Variants in ACTR3C observed in about 807,000 individuals in gnomAD.
ACTR3C encodes the protein actin-related protein 3C.
A neutral mutation model predicts 26.3 loss-of-function variants in ACTR3C; 18 were observed. That is an observed-to-expected ratio of 0.68 (90% confidence interval 0.47 to 1.01). ACTR3C has a LOEUF of 1.01. Ranked by LOEUF, ACTR3C falls within the 50% of genes least tolerant of loss-of-function variation. The probability of loss-of-function intolerance (pLI) is 0.00; values close to 1 mark genes in which losing one functional copy is unlikely to be tolerated. For missense variants in ACTR3C, 184 were observed against 250.7 expected (o/e 0.73, Z 1.80); for synonymous variants, 55 against 94.5 (o/e 0.58, Z 2.42).
the ACTR3C span, among the ~76,000 whole-genome samples, chr7:149,952,396 GC>G: frequency 6.8e-6 from 1 of 147,498 alleles, no homozygotes; most frequent in Non-Finnish European, 1.5e-5. Context: ...GCTTGAATAT[GC>G]AGATGAATAA....
the ACTR3C span, among the ~76,000 whole-genome samples, chr7:150,134,053 A>AT: frequency 6.6e-6 from 1 of 152,144 alleles, no homozygotes; most frequent in Non-Finnish European, 1.5e-5. Context: ...GAGATTTCTT[A>AT]TTTTAAGGTA....
At chr7:150,319,014 C>T (rs1250765652) in intron 1 of ACTR3C, among the ~76,000 whole-genome samples, 1 of 152,124 alleles carries the variant, frequency 6.6e-6, no homozygotes, top group African/African-American at 2.4e-5. Context: ...CAAAACACTG[C>T]TGAAGTAGGA....
At chr7:150,286,066 A>G (rs1356459519) in intron 5 of ACTR3C, among the ~76,000 whole-genome samples, 4 of 152,202 alleles carry the variant, frequency 2.6e-5, no homozygotes, top group South Asian at 2.1e-4. Context: ...TTGTAATGCT[A>G]GCATGTGACC....
chr7:150,251,973 T>C (rs566505675), intron 6 of ACTR3C, among the ~76,000 whole-genome samples: 310 of 152,312 alleles, frequency 2.0e-3, no homozygotes, highest in African/African-American at 7.1e-3. Flanking sequence ...ATAGAAACCA[T>C]AGTCCAGCGT....
chr7:150,230,559 A>G, the ACTR3C span, among the ~76,000 whole-genome samples: 948 of 152,210 alleles, frequency 6.2e-3, 12 homozygotes, highest in African/African-American at 0.022. Flanking sequence ...CGCAAGCCCT[A>G]TTGTGAACTG....
chr7:150,042,140 T>C, the ACTR3C span, among the ~76,000 whole-genome samples: 42 of 10,446 alleles, frequency 4.0e-3, no homozygotes, highest in African/African-American at 0.015. Context: ...TAAGAGCCAG[T>C]GGGGGAACCA....
At chr7:150,030,409 CAG>C in the ACTR3C span, among the ~76,000 whole-genome samples, 4 of 151,474 alleles carry the variant, frequency 2.6e-5, no homozygotes, top group South Asian at 8.4e-4. Flanking sequence ...TTTCTGTCAC[CAG>C]AGAGTGCTAA....
At chr7:150,004,049 G>A in the ACTR3C span, among the ~76,000 whole-genome samples, 3 of 146,884 alleles carry the variant, frequency 2.0e-5, no homozygotes, top group Non-Finnish European at 4.4e-5. Context: ...TGGTGTGTAT[G>A]ATGTATGTAG....
chr7:150,129,934 T>A, the ACTR3C span, among the ~76,000 whole-genome samples: 7 of 152,198 alleles, frequency 4.6e-5, no homozygotes, highest in African/African-American at 1.7e-4. Context: ...TAAGTCTTTT[T>A]AAAAGTTACA....
the ACTR3C span, among the ~76,000 whole-genome samples, chr7:150,101,533 T>C: frequency 2.6e-5 from 4 of 151,828 alleles, no homozygotes; most frequent in East Asian, 7.7e-4. Flanking sequence ...GCTCAGGTCC[T>C]GGACAAACTC....
At chr7:150,134,648 C>A in the ACTR3C span, among the ~76,000 whole-genome samples, 1 of 152,296 alleles carries the variant, frequency 6.6e-6, no homozygotes, top group Non-Finnish European at 1.5e-5. Context: ...AGAAGCTTTT[C>A]GACGCCACCA....
the ACTR3C span, among the ~76,000 whole-genome samples, chr7:149,991,758 T>C: frequency 2.0e-5 from 3 of 152,114 alleles, no homozygotes; most frequent in Non-Finnish European, 4.4e-5. Context: ...TTAGACAGAG[T>C]CTCACTCTAT....
At chr7:149,994,215 C>T in the ACTR3C span, among the ~76,000 whole-genome samples, 5 of 152,160 alleles carry the variant, frequency 3.3e-5, no homozygotes, top group Non-Finnish European at 4.4e-5. Flanking sequence ...GAGGAGACAA[C>T]TTGAGAACAA....
intron 6 of ACTR3C, among the ~76,000 whole-genome samples, chr7:150,257,152 C>G (rs1833276240): frequency 6.6e-6 from 1 of 152,030 alleles, no homozygotes; most frequent in South Asian, 2.1e-4. Context: ...GTAGCTAAAG[C>G]AGGACTTTGA....
chr7:150,188,914 T>G, the ACTR3C span, among the ~76,000 whole-genome samples: 1 of 148,720 alleles, frequency 6.7e-6, no homozygotes. Flanking sequence ...TGTGTATGCA[T>G]AACAACTATA....
the ACTR3C span, among the ~76,000 whole-genome samples, chr7:150,195,100 C>T: frequency 7.3e-6 from 1 of 137,898 alleles, no homozygotes; most frequent in African/African-American, 2.8e-5. Context: ...TTTCAAAATA[C>T]ATATATGTAT....
In ACTR3C at chr7:150,274,014, A is replaced by G. The variant is rs1384649257; in HGVS notation, c.564+10739T>C. The stretch of plus-strand genomic sequence containing the variant: ...ACCACGGGTCAGCAATGAATCTGAC[A>G]TATCAAAATGGTCGCCCTCTTGAGA... On this transcript the variant is annotated intron_variant, in intron 6 of 7. Transcript: ENST00000683684. The surrounding 1 kb of genome is among the most constrained non-coding windows in gnomAD (Gnocchi z 4.1). Among the ~76,000 whole-genome samples, 3 of 152,084 alleles carry G rather than the reference A, an allele frequency of 2.0e-5. No individual in the cohort carries two copies. The highest frequency in any genetic ancestry group is 6.5e-5 in the Admixed American group (1 of 15,282).
At chr7:150,046,355 C>T in the ACTR3C span, among the ~76,000 whole-genome samples, 4 of 71,718 alleles carry the variant, frequency 5.6e-5, 1 homozygote, top group Non-Finnish European at 1.4e-4. Context: ...CCGCCCCCCC[C>T]CCCCCGACCC....
intron 3 of ACTR3C, among the ~76,000 whole-genome samples, chr7:150,292,329 T>C (rs552473283): frequency 6.6e-6 from 1 of 152,164 alleles, no homozygotes; most frequent in South Asian, 2.1e-4. Context: ...CTGATACATT[T>C]TCCAAAAAAA....
Sources: allele counts gnomAD v4.1 joint callset (sites outside exome capture counted in the v4.1 genomes callset), GRCh38; gene constraint gnomAD v4.1.1; non-coding constraint Gnocchi (gnomAD v3.1); transcripts MANE v1.5; gene names NCBI Gene and HGNC (gene_info 2026-07-23, HGNC 2026-07-21).